Variants in BRAP observed in about 807,000 individuals in gnomAD.
The protein encoded by BRAP is BRCA1 associated protein.
In BRAP, 42 loss-of-function variants were observed where a neutral mutation model predicts 73.4. The observed-to-expected ratio is 0.57, with a 90% CI of 0.45 to 0.74. The LOEUF is 0.74. BRAP is among the 30% of genes least tolerant of loss of function. The probability of loss-of-function intolerance (pLI) is 0.00; values close to 1 mark genes in which losing one functional copy is unlikely to be tolerated. For synonymous variants in BRAP, 255 were observed against 267.4 expected (o/e 0.95, Z 0.45); for missense variants, 593 against 751.4 (o/e 0.79, Z 2.46).
Position 111,644,468 on chromosome 12 carries a change from G to A in BRAP, c.1510C>T (p.Leu504=). 1 of 1,614,148 alleles carries A rather than the reference G, an allele frequency of 6.2e-7. No homozygotes were observed. Among genetic ancestry groups the A allele is most frequent in the Non-Finnish European group, 8.5e-7 (1 of 1,180,030 alleles). Residue 504 remains leucine, a synonymous_variant, in exon 12 of 12, where the codon CTG becomes TTG. Transcript: ENST00000419234. ...NKCLRANQVL[L]QNKLKEEERV... ...TCCTCCTCTTTTAGCTTGTTCTGCAGGAGGACTTGGTTGGCTCGCAAACAC... is the reference window on the plus strand; with the variant it reads ...TCCTCCTCTTTTAGCTTGTTCTGCAAGAGGACTTGGTTGGCTCGCAAACAC...
rs922801910 is a variant in BRAP at position 111,681,965 on chromosome 12, T to C, written c.245-130A>G. ...AATTACAATGTAATGCATTAACAGC[T>C]ATTATTTGTAGAATAGCTGAGTTTA... On this transcript the variant is annotated intron_variant, in intron 2 of 11. Transcript: ENST00000419234. The C allele has an allele frequency of 7.1e-6, 6 of 843,912 alleles. No individual in the cohort carries two copies. In the African/African-American group the frequency reaches 8.7e-5, roughly 12 times the overall value. 52.3% of individuals were successfully genotyped at this position (843,912 alleles called of 1,614,324 possible). A position where few individuals can be genotyped will look rare whatever the true frequency, so the allele number is the denominator to read the frequency against.
chr12:111,657,681 C>A (rs1410035567), intron 9 of BRAP, among the ~76,000 whole-genome samples: 1 of 152,048 alleles, frequency 6.6e-6, no homozygotes, highest in Non-Finnish European at 1.5e-5. Context: ...AGATCGAGAC[C>A]ACCCTGGTTA....
intron 10 of BRAP, among the ~76,000 whole-genome samples, chr12:111,654,718 A>G (rs1438512406): frequency 1.3e-5 from 2 of 152,210 alleles, no homozygotes; most frequent in Non-Finnish European, 2.9e-5. Flanking sequence ...GCTCCAGGAT[A>G]TTCCTAGCCA....
chr12:111,671,123 G>A (rs1395939509), intron 5 of BRAP, among the ~76,000 whole-genome samples: 3 of 150,792 alleles, frequency 2.0e-5, no homozygotes, highest in Admixed American at 6.6e-5. Flanking sequence ...AAAGGAAAAA[G>A]AAATCTTAAT....
chr12:111,680,492 T>A (rs1055231316), intron 3 of BRAP, among the ~76,000 whole-genome samples: 6 of 150,600 alleles, frequency 4.0e-5, no homozygotes, highest in African/African-American at 1.5e-4. Context: ...AGGTTAGGAG[T>A]TCGAGACCAG....
chr12:111,680,585 A>G (rs975935678), intron 3 of BRAP, among the ~76,000 whole-genome samples: 1 of 151,720 alleles, frequency 6.6e-6, no homozygotes. Flanking sequence ...CTGTGGTCCC[A>G]GCTACTCTGA....
At chr12:111,652,514 C>A (rs1231184878) in intron 10 of BRAP, among the ~76,000 whole-genome samples, 1 of 152,162 alleles carries the variant, frequency 6.6e-6, no homozygotes, top group Non-Finnish European at 1.5e-5. Context: ...TTAGCCACTG[C>A]GCCTGGCCAG....
chr12:111,647,430 A>G (rs190247611), intron 11 of BRAP, among the ~76,000 whole-genome samples: 150 of 152,340 alleles, frequency 9.8e-4, no homozygotes, highest in Non-Finnish European at 1.6e-3. Context: ...TTTTGCAGAG[A>G]AAAGATTATG....
At chr12:111,685,562 A>T (rs1887789019) in intron 1 of BRAP, 149 bp downstream of exon 1, 3 of 1,355,112 alleles carry the variant, frequency 2.2e-6, no homozygotes, top group Admixed American at 3.3e-5. Flanking sequence ...TCAAAGGCGG[A>T]TGGGAAAGAG....
intron 9 of BRAP, among the ~76,000 whole-genome samples, chr12:111,656,217 C>T (rs964669046): frequency 1.3e-5 from 2 of 152,176 alleles, no homozygotes; most frequent in African/African-American, 4.8e-5. Flanking sequence ...TGCATGACTG[C>T]ATGAATGAAT....
intron 4 of BRAP, among the ~76,000 whole-genome samples, chr12:111,674,535 G>A (rs575830021): frequency 3.3e-5 from 5 of 152,302 alleles, no homozygotes; most frequent in East Asian, 1.9e-4. Context: ...GAGCCACCGC[G>A]CCTGGCTACT....
At chr12:111,655,725 TC>T in intron 9 of BRAP, 70 bp from the exon 10 acceptor site, 1 of 1,284,010 alleles carries the variant, frequency 7.8e-7, no homozygotes, top group Non-Finnish European at 1.1e-6. Flanking sequence ...AATTTAAAAA[TC>T]TGATATTTAA....
In BRAP at chr12:111,644,179, G is replaced by T. The variant is rs374718833; in HGVS notation, c.*20C>A. On this transcript the variant is annotated 3_prime_UTR_variant, in exon 12 of 12. Coordinates refer to ENST00000419234, the MANE Select transcript of BRAP (RefSeq NM_006768.5). Reference sequence around the variant, plus strand: ...CAGTGTCAGGGAGAACAGTCTCAGGGATGTCTGTTGCTCTGAAGGTCACTT... The same window carrying T: ...CAGTGTCAGGGAGAACAGTCTCAGGTATGTCTGTTGCTCTGAAGGTCACTT... 6.3e-7 allele frequency: 1 copy of T among 1,599,966 alleles called. No homozygotes were observed. The highest frequency in any genetic ancestry group is 8.5e-7 in the Non-Finnish European group (1 of 1,176,306).
At chr12:111,661,534 C>T (rs908135039) in intron 6 of BRAP, among the ~76,000 whole-genome samples, 8 of 152,054 alleles carry the variant, frequency 5.3e-5, no homozygotes, top group African/African-American at 1.9e-4. Flanking sequence ...CTGCCTTGAC[C>T]TCCCAAAGTA....
chr12:111,652,365 G>A (rs1482442644), intron 10 of BRAP, among the ~76,000 whole-genome samples: 2 of 151,890 alleles, frequency 1.3e-5, no homozygotes, highest in Non-Finnish European at 2.9e-5. Flanking sequence ...CTGGGACTAT[G>A]GGCACCCGCT....
chr12:111,644,073 C>G lies in BRAP; in HGVS notation c.*126G>C. On this transcript the variant is annotated 3_prime_UTR_variant, in exon 12 of 12. Transcript: ENST00000419234. ...CATCACACACTAGCAAATGAAAGAGCCAAACAACTGTGGCTTGATCCTCAC... is the reference window on the plus strand; with the variant it reads ...CATCACACACTAGCAAATGAAAGAGGCAAACAACTGTGGCTTGATCCTCAC... 1 of 1,372,552 alleles carries G rather than the reference C, an allele frequency of 7.3e-7. No individual in the cohort carries two copies. The highest frequency in any genetic ancestry group is 2.4e-5 in the East Asian group (1 of 41,326). The allele number at this position is 1,372,552 out of a possible 1,614,324, so 85.0% of individuals were successfully genotyped here. A position where few individuals can be genotyped will look rare whatever the true frequency, so the allele number is the denominator to read the frequency against.
chr12:111,654,185 C>T (rs1886426966), intron 10 of BRAP, among the ~76,000 whole-genome samples: 1 of 152,200 alleles, frequency 6.6e-6, no homozygotes, highest in African/African-American at 2.4e-5. Context: ...TGCACATACT[C>T]TAATCAAGGC....
chr12:111,650,532 T>C (rs755910108), intron 10 of BRAP, among the ~76,000 whole-genome samples: 1 of 151,898 alleles, frequency 6.6e-6, no homozygotes, highest in Non-Finnish European at 1.5e-5. Context: ...TCCCAAAATG[T>C]TGGGATTACA....
chr12:111,669,251 C>T (rs1478205132), intron 5 of BRAP, among the ~76,000 whole-genome samples: 6 of 147,596 alleles, frequency 4.1e-5, no homozygotes, highest in South Asian at 4.3e-4. Flanking sequence ...TTTTTTGAGA[C>T]GGAGTTTCGC....
Sources: gnomAD v4.1 joint callset for allele counts (sites outside exome capture counted in the v4.1 genomes callset) on GRCh38, gnomAD v4.1.1 for gene constraint, MANE v1.5 for transcripts, NCBI Gene and HGNC (gene_info 2026-07-23, HGNC 2026-07-21) for gene names.